GRID2: variants seen among roughly 807,000 people sequenced by gnomAD.
The protein encoded by GRID2 is glutamate receptor ionotropic, delta-2.
A neutral mutation model predicts 114.8 loss-of-function variants in GRID2; 33 were observed. That is an observed-to-expected ratio of 0.29 (90% CI 0.22 to 0.38). The LOEUF (loss-of-function observed/expected upper bound fraction) is 0.38, where lower values mean the gene tolerates loss of function less well. Among genes scored for constraint, GRID2 ranks in the 10% least tolerant of loss-of-function variants. GRID2 has a pLI of 1.00. For synonymous variants in GRID2, 505 were observed against 449.9 expected, an observed-to-expected ratio of 1.12 and a Z score of -1.55; for missense variants, 1,184 against 1,257.7, an observed-to-expected ratio of 0.94 and a Z score of 0.89.
chr4:93,488,041 G>T (rs1286812843), intron 11 of GRID2, among the ~76,000 whole-genome samples: 1 of 151,930 alleles, frequency 6.6e-6, no homozygotes, highest in Admixed American at 6.6e-5. Context: ...GCTTTTATGT[G>T]GGTGATAACA....
At chr4:92,356,123 A>G (rs1247718022) in intron 1 of GRID2, among the ~76,000 whole-genome samples, 1 of 151,518 alleles carries the variant, frequency 6.6e-6, no homozygotes, top group African/African-American at 2.4e-5. Context: ...TAAGTTGGGG[A>G]AATTTATTTG....
intron 5 of GRID2, among the ~76,000 whole-genome samples, chr4:93,214,729 C>A (rs900217793): frequency 6.6e-6 from 1 of 152,002 alleles, no homozygotes; most frequent in African/African-American, 2.4e-5. Context: ...GTAACCACCC[C>A]TTTTCCCTTT....
intron 1 of GRID2, among the ~76,000 whole-genome samples, chr4:92,366,378 C>G (rs1247615292): frequency 6.6e-6 from 1 of 151,958 alleles, no homozygotes; most frequent in Non-Finnish European, 1.5e-5. Context: ...ACAAAATTAT[C>G]TAAACCTATT....
chr4:93,515,261 A>G lies in GRID2; in HGVS notation c.2043A>G (p.Thr681=), dbSNP rs950702457. ...LSKQTEIPYG[T]VLDSAVYEHV... ...AGCAAACAGAAATCCCTTATGGCAC[A>G]GTCCTAGACTCTGCGGTATATGAGC... Residue 681 remains threonine (T), a synonymous_variant, in exon 13 of 16, where the codon ACA becomes ACG. Coordinates refer to ENST00000282020, the MANE Select transcript of GRID2 (RefSeq NM_001510.4). 1.9e-6 allele frequency: 3 copies of G among 1,597,274 alleles called. No individual in the cohort carries two copies. In the South Asian group the frequency reaches 3.4e-5, roughly 18 times the overall value.
intron 2 of GRID2, among the ~76,000 whole-genome samples, chr4:92,726,644 T>A (rs556728945): frequency 6.6e-6 from 1 of 152,242 alleles, no homozygotes; most frequent in South Asian, 2.1e-4. Context: ...TTAAACAAAA[T>A]TAATTTTTAT....
intron 7 of GRID2, among the ~76,000 whole-genome samples, chr4:93,229,739 T>A (rs1056755271): frequency 1.3e-5 from 2 of 152,168 alleles, no homozygotes; most frequent in African/African-American, 4.8e-5. Flanking sequence ...TTATGGGGAA[T>A]GAAACAAAAG....
At chr4:93,343,142 C>CTG (rs150132437) in intron 8 of GRID2, among the ~76,000 whole-genome samples, 7,835 of 40,038 alleles carry the variant, frequency 0.2, 187 homozygotes, top group South Asian at 0.34. Context: ...TGTGAGGTGA[C>CTG]TGTGTGTGTG....
chr4:93,265,245 A>T (rs1457350251), intron 8 of GRID2, among the ~76,000 whole-genome samples: 1 of 152,148 alleles, frequency 6.6e-6, no homozygotes, highest in Non-Finnish European at 1.5e-5. Context: ...GACATAAAAA[A>T]TCTGTTTTAA....
chr4:93,563,718 GT>G (rs1294631946), intron 13 of GRID2, among the ~76,000 whole-genome samples: 1 of 151,892 alleles, frequency 6.6e-6, no homozygotes, highest in African/African-American at 2.4e-5. Flanking sequence ...CTGTAGGCTT[GT>G]TTTATTTTAT....
At chr4:92,385,898 G>GTA (rs1196597851) in intron 1 of GRID2, among the ~76,000 whole-genome samples, 44 of 91,022 alleles carry the variant, frequency 4.8e-4, no homozygotes, top group Non-Finnish European at 7.9e-4. Flanking sequence ...GTGTGTGTGT[G>GTA]TGTATATATA....
intron 14 of GRID2, among the ~76,000 whole-genome samples, chr4:93,752,355 T>C (rs1412802308): frequency 7.1e-6 from 1 of 140,114 alleles, no homozygotes; most frequent in Non-Finnish European, 1.6e-5. Context: ...ATACTCATAC[T>C]GTTCTTTTAT....
At chr4:92,933,226 T>G (rs1010297243) in intron 2 of GRID2, among the ~76,000 whole-genome samples, 1 of 151,204 alleles carries the variant, frequency 6.6e-6, no homozygotes, top group African/African-American at 2.4e-5. Context: ...TGGAAATATA[T>G]TCTTAAAAGT....
chr4:93,615,314 A>C lies in GRID2; in HGVS notation c.2194-10955A>C, dbSNP rs557158300. On this transcript the variant is annotated intron_variant, in intron 13 of 15. Coordinates refer to ENST00000282020, the MANE Select transcript of GRID2 (RefSeq NM_001510.4). ...ATATCTAAGGTGTCCACCATTTTTA[A>C]ACACTCTGAAGCACTTTGGATGTTA... Among the ~76,000 whole-genome samples the C allele has an allele frequency of 8.5e-5, 13 of 152,334 alleles. 1 individual carries two copies. In the South Asian group the frequency reaches 1.4e-3, roughly 17 times the overall value.
At chr4:93,177,756 C>T (rs1221689820) in intron 4 of GRID2, among the ~76,000 whole-genome samples, 1 of 151,916 alleles carries the variant, frequency 6.6e-6, no homozygotes, top group East Asian at 1.9e-4. Context: ...TTATCACTAC[C>T]CATTTAAAGT....
intron 14 of GRID2, among the ~76,000 whole-genome samples, chr4:93,679,695 T>C (rs1343529707): frequency 2.0e-5 from 3 of 150,610 alleles, no homozygotes; most frequent in African/African-American, 7.4e-5. Flanking sequence ...CATAACAAAA[T>C]GAAGGCAGAA....
At chr4:93,124,916 A>G (rs539845534) in intron 4 of GRID2, among the ~76,000 whole-genome samples, 2 of 152,290 alleles carry the variant, frequency 1.3e-5, no homozygotes, top group South Asian at 2.1e-4. Flanking sequence ...GTAAAATTTC[A>G]TGAACATAGA....
chr4:92,342,472 T>G (rs184466788), intron 1 of GRID2, among the ~76,000 whole-genome samples: 21 of 152,300 alleles, frequency 1.4e-4, no homozygotes, highest in African/African-American at 4.6e-4. Context: ...GAGAAGTCAG[T>G]GATCTCATCA....
At chr4:93,004,175 G>A (rs1721276849) in intron 2 of GRID2, among the ~76,000 whole-genome samples, 1 of 151,754 alleles carries the variant, frequency 6.6e-6, no homozygotes, top group African/African-American at 2.4e-5. Context: ...TTATGAACCT[G>A]TATTACAAGA....
intron 1 of GRID2, among the ~76,000 whole-genome samples, chr4:92,344,386 G>A (rs987958292): frequency 7.2e-5 from 11 of 152,118 alleles, no homozygotes; most frequent in African/African-American, 2.4e-4. Context: ...TTCCCTATGA[G>A]TTTTACATGT....
Sources: allele counts gnomAD v4.1 joint callset (sites outside exome capture counted in the v4.1 genomes callset), GRCh38; gene constraint gnomAD v4.1.1; transcripts MANE v1.5; gene names NCBI Gene and HGNC (gene_info 2026-07-23, HGNC 2026-07-21).